Variants in SLC35F2 observed in about 807,000 individuals in gnomAD.
SLC35F2 encodes the protein solute carrier family 35 member F2.
SLC35F2 carries 25 observed loss-of-function variants against 38.1 expected under a neutral mutation model. The observed-to-expected ratio is 0.66, with a 90% CI of 0.48 to 0.92. The LOEUF is 0.92. Among genes scored for constraint, SLC35F2 ranks in the 40% least tolerant of loss-of-function variants. The pLI, the probability that SLC35F2 is intolerant of heterozygous loss-of-function variation, is 0.00. For missense variants in SLC35F2, 409 were observed against 452.9 expected (o/e 0.90, Z 0.88); for synonymous variants, 173 against 181.7 (o/e 0.95, Z 0.38).
chr11:107,824,048 T>G, intron 1 of SLC35F2: 5 of 974,388 alleles, frequency 5.1e-6, no homozygotes, highest in Non-Finnish European at 6.1e-6. Context: ...GATTCAAAAG[T>G]TTAGCCATCA....
intron 1 of SLC35F2, among the ~76,000 whole-genome samples, chr11:107,855,408 T>C (rs1860260981): frequency 6.6e-6 from 1 of 152,128 alleles, no homozygotes; most frequent in African/African-American, 2.4e-5. Context: ...ATCCCAGCAC[T>C]TTGGGAGGCC....
At chr11:107,822,716 G>A (rs548207269) in intron 1 of SLC35F2, among the ~76,000 whole-genome samples, 14 of 152,218 alleles carry the variant, frequency 9.2e-5, no homozygotes, top group Admixed American at 3.3e-4. Context: ...TTTTCTGTGT[G>A]AGGAGTCAGA....
At chr11:107,817,819 G>A (rs1859600052) in intron 1 of SLC35F2, among the ~76,000 whole-genome samples, 2 of 151,708 alleles carry the variant, frequency 1.3e-5, no homozygotes, top group South Asian at 2.1e-4. Context: ...AGCAACTTTC[G>A]GAGGCTGAGG....
intron 2 of SLC35F2, 49 bp downstream of exon 2, chr11:107,815,739 ATT>A: frequency 6.5e-7 from 1 of 1,540,904 alleles, no homozygotes; most frequent in Non-Finnish European, 8.7e-7. Flanking sequence ...TTTTCTAGTA[ATT>A]TTTATGAAGA....
chr11:107,802,242 A>AAAAAAAAAAAAATAAAAAT (rs559048077), intron 7 of SLC35F2, among the ~76,000 whole-genome samples: 38 of 147,890 alleles, frequency 2.6e-4, no homozygotes, highest in Admixed American at 8.8e-4. Context: ...CATCTCAAAA[A>AAAAAAAAAAAAATAAAAAT]AAATAAATAA....
intron 1 of SLC35F2, among the ~76,000 whole-genome samples, chr11:107,825,197 C>T (rs1250612954): frequency 6.6e-6 from 1 of 151,954 alleles, no homozygotes; most frequent in Non-Finnish European, 1.5e-5. Context: ...AATTCATTTT[C>T]ATTTAAATAA....
chr11:107,839,903 T>C (rs938907853), intron 1 of SLC35F2, among the ~76,000 whole-genome samples: 1 of 152,204 alleles, frequency 6.6e-6, no homozygotes, highest in Admixed American at 6.5e-5. Context: ...TCCCCCTGCC[T>C]TGGCCTCCTA....
At chr11:107,830,583 C>CAAAAA (rs66495434) in intron 1 of SLC35F2, among the ~76,000 whole-genome samples, 4 of 95,708 alleles carry the variant, frequency 4.2e-5, no homozygotes, top group African/African-American at 7.6e-5. Flanking sequence ...GACTCAGTCT[C>CAAAAA]AAAAAAAAAA....
At chr11:107,853,076 C>G (rs1650494398) in intron 1 of SLC35F2, among the ~76,000 whole-genome samples, 1 of 151,978 alleles carries the variant, frequency 6.6e-6, no homozygotes, top group Non-Finnish European at 1.5e-5. Flanking sequence ...GCCCATGCCC[C>G]CTTCACACCA....
intron 1 of SLC35F2, 60 bp from the exon 2 acceptor site, chr11:107,816,025 C>CACACAT: frequency 7.2e-7 from 1 of 1,387,996 alleles, no homozygotes; most frequent in Non-Finnish European, 9.5e-7. Flanking sequence ...TACACACACA[C>CACACAT]ACACACACAC....
chr11:107,821,653 C>G (rs954724986), intron 1 of SLC35F2: 100 of 980,798 alleles, frequency 1.0e-4, no homozygotes, highest in Non-Finnish European at 1.1e-4. Flanking sequence ...AAAACCTGTT[C>G]CTGTTTAAGC....
At chr11:107,830,169 AAAG>A (rs1859815561) in intron 1 of SLC35F2, among the ~76,000 whole-genome samples, 1 of 152,210 alleles carries the variant, frequency 6.6e-6, no homozygotes, top group South Asian at 2.1e-4. Flanking sequence ...ATTTTAAAGA[AAAG>A]AAGCCTCTAT....
chr11:107,817,061 T>C (rs1385773754), intron 1 of SLC35F2, among the ~76,000 whole-genome samples: 1 of 152,070 alleles, frequency 6.6e-6, no homozygotes, highest in Non-Finnish European at 1.5e-5. Context: ...GCAGATCACT[T>C]GAGGTTGAGT....
chr11:107,810,768 C>T (rs1399945930), intron 3 of SLC35F2: 13 of 980,104 alleles, frequency 1.3e-5, no homozygotes, highest in African/African-American at 5.3e-5. Context: ...TGTAGGTTCA[C>T]ACTGGAAAAA....
In SLC35F2 at chr11:107,856,421, G is replaced by A. The variant is rs181002916; in HGVS notation, c.110+2237C>T. Reference sequence around the variant, plus strand: ...AAGAAAACTGGAGCACAGGCTGGGCGCGGTGGCTCACGCCTGTAATCCCAC... The same window carrying A: ...AAGAAAACTGGAGCACAGGCTGGGCACGGTGGCTCACGCCTGTAATCCCAC... On this transcript the variant is annotated intron_variant, in intron 1 of 7. Transcript: ENST00000525815. Among the ~76,000 whole-genome samples the A allele has an allele frequency of 2.1e-3, 314 of 152,042 alleles. 1 individual carries two copies. Among genetic ancestry groups the A allele is most frequent in the African/African-American group, 6.9e-3 (288 of 41,500 alleles).
At chr11:107,799,911 CAG>C (rs1409330845) in intron 7 of SLC35F2, among the ~76,000 whole-genome samples, 1 of 145,016 alleles carries the variant, frequency 6.9e-6, no homozygotes, top group Admixed American at 7.0e-5. Flanking sequence ...TTTTTTGAGA[CAG>C]AGTCTTGCTC....
intron 1 of SLC35F2, chr11:107,823,141 C>G (rs991867185): frequency 1.0e-6 from 1 of 985,100 alleles, no homozygotes; most frequent in Non-Finnish European, 1.2e-6. Flanking sequence ...AGACCCCAGC[C>G]CAAACCAGTT....
intron 1 of SLC35F2, among the ~76,000 whole-genome samples, chr11:107,828,358 C>T (rs892553770): frequency 2.0e-5 from 3 of 150,754 alleles, no homozygotes; most frequent in African/African-American, 7.4e-5. Context: ...CGCTTGAAAC[C>T]GGAAGGCGGA....
chr11:107,827,651 A>C (rs901120101), intron 1 of SLC35F2, among the ~76,000 whole-genome samples: 1 of 152,080 alleles, frequency 6.6e-6, no homozygotes, highest in African/African-American at 2.4e-5. Context: ...CGGAAGGCTG[A>C]GGCAAGAGAA....
Sources: allele counts gnomAD v4.1 joint callset (sites outside exome capture counted in the v4.1 genomes callset), GRCh38; gene constraint gnomAD v4.1.1; transcripts MANE v1.5; gene names NCBI Gene and HGNC (gene_info 2026-07-23, HGNC 2026-07-21).